The following TENM3 variants were observed in gnomAD, a reference collection of about 807,000 sequenced individuals.
TENM3 encodes the protein teneurin-3.
In TENM3, 63 loss-of-function variants were observed where a neutral mutation model predicts 255.1. That is an observed-to-expected ratio of 0.25 (90% confidence interval 0.20 to 0.30). TENM3 has a LOEUF of 0.30. TENM3 is among the 10% of genes least tolerant of loss of function. TENM3 has a pLI of 1.00. For missense variants in TENM3, 2,929 were observed against 3,461.1 expected (o/e 0.85, Z 3.86); for synonymous variants, 1,306 against 1,322.3 (o/e 0.99, Z 0.27).
the TENM3 span, among the ~76,000 whole-genome samples, chr4:181,914,393 G>T: frequency 6.6e-6 from 1 of 152,288 alleles, no homozygotes; most frequent in East Asian, 1.9e-4. Context: ...CAAAATGAAT[G>T]CCTCCTTTCA....
chr4:181,830,628 AG>A, the TENM3 span, among the ~76,000 whole-genome samples: 1 of 151,738 alleles, frequency 6.6e-6, no homozygotes. Flanking sequence ...CCTGTAAACT[AG>A]GGGAAATAAC....
chr4:182,551,105 C>T (rs533196049), intron 3 of TENM3, among the ~76,000 whole-genome samples: 3 of 151,990 alleles, frequency 2.0e-5, no homozygotes, highest in African/African-American at 7.2e-5. Context: ...GCCTGTAATC[C>T]TAGCTACTCA....
At chr4:181,739,017 G>A in the TENM3 span, among the ~76,000 whole-genome samples, 9 of 152,002 alleles carry the variant, frequency 5.9e-5, no homozygotes, top group Admixed American at 1.3e-4. Context: ...CACTCACTCC[G>A]TCACTGAACC....
At chr4:181,831,968 TTGTGTGTGTGTGTGTGTGTGTG>T in the TENM3 span, among the ~76,000 whole-genome samples, 21 of 132,712 alleles carry the variant, frequency 1.6e-4, no homozygotes, top group African/African-American at 5.4e-4. Context: ...ATATATTACA[TTGTGTGTGTGTGTGTGTGTGTG>T]TGTGTGTGTG....
upstream of TENM3, among the ~76,000 whole-genome samples, chr4:182,240,266 C>T (rs1030316631): frequency 4.6e-5 from 7 of 152,080 alleles, no homozygotes; most frequent in Admixed American, 3.3e-4. Context: ...TTGTGTTGGG[C>T]TTGTCTTGTC....
chr4:181,694,101 T>A, the TENM3 span, among the ~76,000 whole-genome samples: 1 of 152,208 alleles, frequency 6.6e-6, no homozygotes, highest in Non-Finnish European at 1.5e-5. Context: ...TTATTCCATA[T>A]GTAAAGTTTT....
chr4:181,657,455 A>C, the TENM3 span, among the ~76,000 whole-genome samples: 1 of 152,316 alleles, frequency 6.6e-6, no homozygotes, highest in South Asian at 2.1e-4. Context: ...ATGCAAATCA[A>C]AACCCCAATA....
At chr4:182,279,945 CA>C (rs1760264051) in intron 1 of TENM3, among the ~76,000 whole-genome samples, 2 of 152,316 alleles carry the variant, frequency 1.3e-5, no homozygotes, top group South Asian at 4.1e-4. Flanking sequence ...CCACACGTTG[CA>C]GACACTTCAG....
chr4:181,497,343 G>C, the TENM3 span, among the ~76,000 whole-genome samples: 1 of 152,098 alleles, frequency 6.6e-6, no homozygotes, highest in Non-Finnish European at 1.5e-5. Flanking sequence ...TTGAAAGACT[G>C]TCTACTACCC....
chr4:182,272,183 A>C (rs1226820661), intron 1 of TENM3, among the ~76,000 whole-genome samples: 1 of 152,208 alleles, frequency 6.6e-6, no homozygotes, highest in Non-Finnish European at 1.5e-5. Context: ...TGAAATATTT[A>C]GTTTGCATTC....
At chr4:182,715,671 A>G (rs1759099470) in intron 13 of TENM3, among the ~76,000 whole-genome samples, 1 of 152,120 alleles carries the variant, frequency 6.6e-6, no homozygotes. Flanking sequence ...TTCTATACCT[A>G]TAGAGGGCCT....
At chr4:182,063,121 C>G in the TENM3 span, among the ~76,000 whole-genome samples, 1 of 152,176 alleles carries the variant, frequency 6.6e-6, no homozygotes, top group Non-Finnish European at 1.5e-5. Context: ...TGTGCTGATT[C>G]ATTCATTTTC....
the TENM3 span, among the ~76,000 whole-genome samples, chr4:181,885,604 C>T: frequency 6.6e-6 from 1 of 152,090 alleles, no homozygotes; most frequent in Non-Finnish European, 1.5e-5. Context: ...TTAAACAACA[C>T]AACCTCTACT....
chr4:182,158,596 C>T (rs191110605), intron 1 of TENM3, among the ~76,000 whole-genome samples: 5 of 152,080 alleles, frequency 3.3e-5, no homozygotes, highest in African/African-American at 9.7e-5. Flanking sequence ...CCTAGGCTGC[C>T]GGCAGGTCTT....
chr4:182,770,489 G>A (rs1413229708), intron 22 of TENM3, among the ~76,000 whole-genome samples: 1 of 152,138 alleles, frequency 6.6e-6, no homozygotes, highest in Non-Finnish European at 1.5e-5. Context: ...GCCCCTGCCT[G>A]ACTGCCTGAT....
At chr4:182,466,434 A>G (rs1018484182) in intron 3 of TENM3, among the ~76,000 whole-genome samples, 3 of 152,028 alleles carry the variant, frequency 2.0e-5, no homozygotes, top group Non-Finnish European at 4.4e-5. Flanking sequence ...GGCTCAGGTG[A>G]TCCTCCCACC....
chr4:181,660,618 T>G, the TENM3 span, among the ~76,000 whole-genome samples: 1 of 152,180 alleles, frequency 6.6e-6, no homozygotes, highest in African/African-American at 2.4e-5. Flanking sequence ...AGCAGCTAAT[T>G]GTTTACTATT....
intron 3 of TENM3, 26 bp from the exon 4 acceptor site, chr4:182,600,898 T>TG (rs2152411918): frequency 1.7e-5 from 1 of 59,680 alleles, no homozygotes; most frequent in East Asian, 1.1e-3. Flanking sequence ...GTTCTCTTTC[T>TG]TTTTTTTTTT....
At chr4:182,751,329 T>A (rs1006455651) in intron 19 of TENM3, among the ~76,000 whole-genome samples, 2 of 151,970 alleles carry the variant, frequency 1.3e-5, no homozygotes, top group African/African-American at 2.4e-5. Context: ...GGTTTTTAGT[T>A]TGAAAGGATA....
Sources: gnomAD v4.1 joint callset for allele counts (sites outside exome capture counted in the v4.1 genomes callset) on GRCh38, gnomAD v4.1.1 for gene constraint, MANE v1.5 for transcripts, NCBI Gene and HGNC (gene_info 2026-07-23, HGNC 2026-07-21) for gene names.